Variants in AP2B1 observed in about 807,000 individuals in gnomAD.
AP2B1 encodes adaptor related protein complex 2 subunit beta 1.
A neutral mutation model predicts 102.0 loss-of-function variants in AP2B1; 23 were observed. The ratio of observed to expected loss-of-function variants is 0.23; its 90% confidence interval spans 0.16 to 0.32. AP2B1 has a LOEUF of 0.32. Ranked by LOEUF, AP2B1 falls within the 10% of genes least tolerant of loss-of-function variation. The pLI, the probability that AP2B1 is intolerant of heterozygous loss-of-function variation, is 1.00. For synonymous variants in AP2B1, 381 were observed against 421.2 expected, an observed-to-expected ratio of 0.90 and a Z score of 1.17; for missense variants, 541 against 1,157.4, an observed-to-expected ratio of 0.47 and a Z score of 7.73.
chr17:35,604,483 C>T (rs530984348), intron 3 of AP2B1, among the ~76,000 whole-genome samples: 30 of 151,584 alleles, frequency 2.0e-4, no homozygotes, highest in African/African-American at 7.0e-4. Flanking sequence ...CTTGCCTGTG[C>T]GTGGTGGCTC....
chr17:35,650,839 A>G lies in AP2B1; in HGVS notation c.1796+50A>G, dbSNP rs1328090339. The stretch of plus-strand genomic sequence containing the variant: ...AGTGAGAAATGACTCTTGTTTAGAC[A>G]GCGTTGCTCTTCTTTATGCTTTTAT... On this transcript the variant is annotated intron_variant, in intron 13 of 21. Transcript: ENST00000610402. 1.9e-6 allele frequency: 3 copies of G among 1,582,230 alleles called. No homozygotes were observed. The East Asian group carries it at 6.7e-5, about 36-fold the overall frequency.
rs202163359 is a variant in AP2B1 at position 35,610,184 on chromosome 17, G to T, written c.525+1797G>T. Reference sequence around the variant, plus strand: ...TTTTGAGATGGAGTGTCACTCTGTCGCCCAGTCTGGAGTGCAGTGGCATGA... The same window carrying T: ...TTTTGAGATGGAGTGTCACTCTGTCTCCCAGTCTGGAGTGCAGTGGCATGA... On this transcript the variant is annotated intron_variant, in intron 5 of 21. Transcript: ENST00000610402. Among the ~76,000 whole-genome samples, 25 of 150,514 alleles carry T rather than the reference G, an allele frequency of 1.7e-4. No individual in the cohort carries two copies. In the East Asian group the frequency reaches 4.7e-3, roughly 28 times the overall value.
chr17:35,717,955 G>A (rs2085227638), intron 21 of AP2B1, among the ~76,000 whole-genome samples: 3 of 152,200 alleles, frequency 2.0e-5, no homozygotes, highest in Non-Finnish European at 4.4e-5. Context: ...TTGTTAAACA[G>A]CAGATTGATA....
intron 16 of AP2B1, 82 bp downstream of exon 16, chr17:35,671,982 A>G: frequency 1.3e-6 from 2 of 1,489,076 alleles, no homozygotes; most frequent in Non-Finnish European, 9.2e-7. Context: ...TGTTACTTCT[A>G]CTGGTAATAA....
chr17:35,617,272 T>A (rs1003931139), intron 5 of AP2B1, among the ~76,000 whole-genome samples: 1 of 152,162 alleles, frequency 6.6e-6, no homozygotes, highest in Non-Finnish European at 1.5e-5. Context: ...GCCATGCTGG[T>A]CTTGAATTCC....
intron 13 of AP2B1, among the ~76,000 whole-genome samples, chr17:35,656,758 G>A (rs993213805): frequency 2.2e-4 from 34 of 151,974 alleles, no homozygotes; most frequent in Non-Finnish European, 1.3e-4. Flanking sequence ...GGTGGTGGGC[G>A]CCTGTAGTCC....
chr17:35,675,788 ACT>A (rs1275120457), intron 17 of AP2B1, among the ~76,000 whole-genome samples: 2 of 148,980 alleles, frequency 1.3e-5, no homozygotes, highest in South Asian at 2.2e-4. Flanking sequence ...TCATTTATTG[ACT>A]CTTTGTTTAT....
At chr17:35,638,485 A>T (rs2074672608) in intron 10 of AP2B1, among the ~76,000 whole-genome samples, 1 of 152,164 alleles carries the variant, frequency 6.6e-6, no homozygotes, top group African/African-American at 2.4e-5. Context: ...AGAAGAACTA[A>T]CATAAAGAAA....
chr17:35,650,658 T>A lies in AP2B1; in HGVS notation c.1665T>A (p.Ile555=). The A allele has an allele frequency of 6.2e-7, 1 of 1,614,216 alleles. No individual in the cohort carries two copies. The highest frequency in any genetic ancestry group is 8.5e-7 in the Non-Finnish European group (1 of 1,180,048). The change falls in exon 13 of 22, where the codon ATT becomes ATA. Residue 555 remains isoleucine, a synonymous_variant. Transcript: ENST00000610402. ...TGATCTCTGAGGAGACGGACCTTATTGAGCCAACTCTGCTGGATGAGCTAA... is the reference window on the plus strand; with the variant it reads ...TGATCTCTGAGGAGACGGACCTTATAGAGCCAACTCTGCTGGATGAGCTAA... ...KPLISEETDL[I]EPTLLDELIC...
intron 18 of AP2B1, among the ~76,000 whole-genome samples, chr17:35,699,599 AT>A (rs1395259967): frequency 6.6e-6 from 1 of 152,198 alleles, no homozygotes; most frequent in Non-Finnish European, 1.5e-5. Flanking sequence ...TTAAAATGGA[AT>A]TAGCACTGGA....
chr17:35,650,743 G>A lies in AP2B1; in HGVS notation c.1750G>A (p.Gly584Arg). ...TAAGCCTCCCAATGCTTTTGTGGAA[G>A]GAAGTCATGGAATTCATCGTAAACA... ...YHKPPNAFVEGSHGIHRKHLP... is the reference protein window; with the variant it reads ...YHKPPNAFVERSHGIHRKHLP... The change falls in exon 13 of 22, where the codon GGA becomes AGA. Residue 584 changes from glycine to arginine, a missense_variant. Physicochemically the swap from Gly to Arg is moderately radical, Grantham distance 125. This residue lies in a region of AP2B1 where 106 missense variants were observed against 296.4 expected (regional missense o/e 0.36). Transcript: ENST00000610402. 6.2e-7 allele frequency: 1 copy of A among 1,614,216 alleles called. No homozygotes were observed. The highest frequency in any genetic ancestry group is 1.3e-5 in the African/African-American group (1 of 75,058).
chr17:35,643,975 G>C (rs1014200659), intron 12 of AP2B1, among the ~76,000 whole-genome samples: 4 of 152,184 alleles, frequency 2.6e-5, no homozygotes, highest in Non-Finnish European at 5.9e-5. Context: ...AACTATGTAG[G>C]CCACTGTGGC....
intron 14 of AP2B1, among the ~76,000 whole-genome samples, chr17:35,664,446 G>T (rs2075420085): frequency 6.6e-6 from 1 of 151,906 alleles, no homozygotes; most frequent in African/African-American, 2.4e-5. Flanking sequence ...TTCCTCAGTT[G>T]GTTCTATTCA....
chr17:35,609,386 G>A (rs561685107), intron 5 of AP2B1, among the ~76,000 whole-genome samples: 13 of 144,726 alleles, frequency 9.0e-5, no homozygotes, highest in Admixed American at 2.1e-4. Context: ...TTGCCTTGTC[G>A]CCCAGGCTGG....
At chr17:35,648,178 A>G (rs190247751) in intron 12 of AP2B1, among the ~76,000 whole-genome samples, 1 of 152,330 alleles carries the variant, frequency 6.6e-6, no homozygotes, top group African/African-American at 2.4e-5. Context: ...TGAGGTAGGT[A>G]CCAGGATATT....
intron 13 of AP2B1, 91 bp from the exon 14 acceptor site, chr17:35,657,508 T>C: frequency 3.0e-6 from 3 of 993,812 alleles, no homozygotes; most frequent in Non-Finnish European, 4.4e-6. Context: ...GATAGTTATA[T>C]ATAGCTATAT....
intron 12 of AP2B1, among the ~76,000 whole-genome samples, chr17:35,649,292 G>A (rs982988283): frequency 2.0e-5 from 3 of 152,090 alleles, no homozygotes; most frequent in Admixed American, 1.3e-4. Context: ...TTTTGGAACG[G>A]AGTTTTGCTC....
intron 19 of AP2B1, among the ~76,000 whole-genome samples, 156 bp from the exon 20 acceptor site, chr17:35,710,078 G>A (rs587696261): frequency 6.6e-6 from 1 of 152,306 alleles, no homozygotes; most frequent in African/African-American, 2.4e-5. Flanking sequence ...CTGAAGTATA[G>A]CACTTTTGTA....
intron 3 of AP2B1, among the ~76,000 whole-genome samples, chr17:35,603,671 A>G (rs1302304076): frequency 2.6e-5 from 4 of 152,242 alleles, no homozygotes; most frequent in Non-Finnish European, 1.5e-5. Context: ...CATAAAGGAA[A>G]GTATGGAAAA....
Sources: gnomAD v4.1 joint callset for allele counts (sites outside exome capture counted in the v4.1 genomes callset) on GRCh38, gnomAD v4.1.1 for gene constraint, gnomAD v4.1.1 regional missense constraint, MANE v1.5 for transcripts, NCBI Gene and HGNC (gene_info 2026-07-23, HGNC 2026-07-21) for gene names.